The following FILIP1L variants were observed in gnomAD, a reference collection of about 807,000 sequenced individuals.
FILIP1L encodes filamin A interacting protein 1 like.
A neutral mutation model predicts 96.6 loss-of-function variants in FILIP1L; 55 were observed. The observed-to-expected ratio is 0.57, with a 90% CI of 0.46 to 0.71. The LOEUF (loss-of-function observed/expected upper bound fraction) is 0.71. FILIP1L is among the 30% of genes least tolerant of loss of function. The pLI, the probability that FILIP1L is intolerant of heterozygous loss-of-function variation, is 0.00. For missense variants in FILIP1L, 1,304 were observed against 1,321.2 expected, an observed-to-expected ratio of 0.99 and a Z score of 0.20; for synonymous variants, 467 against 473.9, an observed-to-expected ratio of 0.99 and a Z score of 0.19.
intron 3 of FILIP1L, among the ~76,000 whole-genome samples, chr3:99,928,907 G>A (rs1707382163): frequency 6.6e-6 from 1 of 152,186 alleles, no homozygotes; most frequent in Non-Finnish European, 1.5e-5. Context: ...CCGTAGAGAA[G>A]CAGATACATA....
intron 1 of FILIP1L, among the ~76,000 whole-genome samples, chr3:100,083,238 T>C (rs963993704): frequency 6.6e-6 from 1 of 152,260 alleles, no homozygotes; most frequent in Non-Finnish European, 1.5e-5. Context: ...TAAATAGTTT[T>C]ACTTTATCTT....
chr3:99,954,535 G>C (rs1708265067), intron 1 of FILIP1L, among the ~76,000 whole-genome samples: 1 of 152,084 alleles, frequency 6.6e-6, no homozygotes, highest in African/African-American at 2.4e-5. Context: ...TATAAAATAA[G>C]AATAACTGGG....
intron 1 of FILIP1L, among the ~76,000 whole-genome samples, chr3:99,973,642 G>A (rs1051669290): frequency 3.9e-5 from 6 of 152,094 alleles, no homozygotes; most frequent in Non-Finnish European, 7.4e-5. Flanking sequence ...AATAGATTGA[G>A]GAGGAAAACC....
chr3:100,042,385 T>A (rs190425127), intron 1 of FILIP1L, among the ~76,000 whole-genome samples: 1 of 152,228 alleles, frequency 6.6e-6, no homozygotes, highest in East Asian at 1.9e-4. Context: ...TACAGTGAAA[T>A]CTGTTATCTG....
At chr3:99,866,353 C>T (rs932167440) in intron 4 of FILIP1L, among the ~76,000 whole-genome samples, 1 of 152,114 alleles carries the variant, frequency 6.6e-6, no homozygotes, top group African/African-American at 2.4e-5. Context: ...AAGTGGTATG[C>T]TTGGGAAACC....
intron 1 of FILIP1L, among the ~76,000 whole-genome samples, chr3:99,938,682 A>G (rs971549010): frequency 6.6e-6 from 1 of 152,182 alleles, no homozygotes; most frequent in Non-Finnish European, 1.5e-5. Flanking sequence ...TGGCCCCTTT[A>G]ATATTAACTG....
At chr3:99,923,501 T>C (rs189055350) in intron 4 of FILIP1L, among the ~76,000 whole-genome samples, 38 of 152,282 alleles carry the variant, frequency 2.5e-4, no homozygotes, top group African/African-American at 9.1e-4. Flanking sequence ...TTGTTTTCCT[T>C]GCTCTTCTTT....
intron 1 of FILIP1L, among the ~76,000 whole-genome samples, chr3:99,979,446 A>G (rs1709058136): frequency 1.3e-5 from 2 of 152,214 alleles, no homozygotes; most frequent in African/African-American, 4.8e-5. Flanking sequence ...AGTAATTTCT[A>G]TGTGGGAACT....
chr3:99,908,414 A>G (rs1576564760), intron 4 of FILIP1L, among the ~76,000 whole-genome samples: 1 of 152,222 alleles, frequency 6.6e-6, no homozygotes. Context: ...TTATGTTCCT[A>G]TCTGCAAGTT....
chr3:99,941,469 A>G (rs1707848676), intron 1 of FILIP1L, among the ~76,000 whole-genome samples: 1 of 152,222 alleles, frequency 6.6e-6, no homozygotes, highest in African/African-American at 2.4e-5. Context: ...GGCCATATGT[A>G]TAGGTAGAAG....
At chr3:100,016,921 A>G (rs561090486) in intron 1 of FILIP1L, among the ~76,000 whole-genome samples, 2 of 152,370 alleles carry the variant, frequency 1.3e-5, no homozygotes, top group South Asian at 4.1e-4. Flanking sequence ...GAATATTTCC[A>G]TCTAATTATA....
At chr3:99,871,423 G>A (rs1425355306) in intron 4 of FILIP1L, among the ~76,000 whole-genome samples, 1 of 152,138 alleles carries the variant, frequency 6.6e-6, no homozygotes, top group Non-Finnish European at 1.5e-5. Context: ...ACTTTCCTAG[G>A]CACTGGAGGT....
At chr3:99,923,906 A>T (rs1466767403) in intron 4 of FILIP1L, among the ~76,000 whole-genome samples, 5 of 152,020 alleles carry the variant, frequency 3.3e-5, no homozygotes, top group African/African-American at 1.2e-4. Context: ...TAACACACTT[A>T]TTTCACCCCT....
At chr3:100,010,194 A>T (rs1315978056) in intron 1 of FILIP1L, 2 of 893,470 alleles carry the variant, frequency 2.2e-6, no homozygotes, top group South Asian at 5.2e-5. Flanking sequence ...AAGTATTGCT[A>T]TTTTTATCAA....
At chr3:99,890,785 T>C (rs369278540) in intron 4 of FILIP1L, among the ~76,000 whole-genome samples, 1 of 152,232 alleles carries the variant, frequency 6.6e-6, no homozygotes, top group East Asian at 1.9e-4. Context: ...TATTTAAATA[T>C]CTGAGGTCTT....
intron 4 of FILIP1L, among the ~76,000 whole-genome samples, chr3:99,922,676 TAGAG>T (rs1341923365): frequency 1.3e-5 from 2 of 152,346 alleles, no homozygotes; most frequent in South Asian, 2.1e-4. Context: ...TCAGTATCAA[TAGAG>T]AGGGTTAATT....
At chr3:100,031,093 C>T (rs2065014783) in intron 1 of FILIP1L, among the ~76,000 whole-genome samples, 1 of 152,046 alleles carries the variant, frequency 6.6e-6, no homozygotes, top group South Asian at 2.1e-4. Flanking sequence ...CTGTCAGATT[C>T]TATTTTTTTC....
chr3:100,099,563 T>C (rs1458894208), intron 1 of FILIP1L, among the ~76,000 whole-genome samples: 4 of 152,168 alleles, frequency 2.6e-5, no homozygotes, highest in Non-Finnish European at 5.9e-5. Context: ...CATTTAACTT[T>C]TCTGAGCCTC....
chr3:99,942,011 T>A (rs1707863784), intron 1 of FILIP1L, among the ~76,000 whole-genome samples: 1 of 152,136 alleles, frequency 6.6e-6, no homozygotes, highest in African/African-American at 2.4e-5. Context: ...TTTCAGGAGA[T>A]CTAGACCATC....
Sources: allele counts gnomAD v4.1 joint callset (sites outside exome capture counted in the v4.1 genomes callset), GRCh38; gene constraint gnomAD v4.1.1; transcripts MANE v1.5; gene names NCBI Gene and HGNC (gene_info 2026-07-23, HGNC 2026-07-21).